Variants in TFDP2 observed in about 807,000 individuals in gnomAD.
The protein encoded by TFDP2 is transcription factor Dp-2.
TFDP2 carries 17 observed loss-of-function variants against 59.3 expected under a neutral mutation model. The observed-to-expected ratio is 0.29, with a 90% CI of 0.20 to 0.43. The LOEUF is 0.43. Ranked by LOEUF, TFDP2 falls within the 20% of genes least tolerant of loss-of-function variation. The pLI is 1.00. For missense variants in TFDP2, 391 were observed against 528.8 expected (o/e 0.74, Z 2.56); for synonymous variants, 180 against 194.7 (o/e 0.92, Z 0.63).
rs1251358441 is a variant in TFDP2, at chr3:141,946,239, G to A, written c.*6274C>T. On this transcript the variant is annotated 3_prime_UTR_variant, in exon 13 of 13. Coordinates refer to ENST00000489671, the MANE Select transcript of TFDP2 (RefSeq NM_001178139.2). ...ATCTCTAAATGAGCAGGGTGGGAGC[G>A]ATGTTATCCCCGATCCTGAGACCTG... 3 of 152,212 alleles carry A rather than the reference G, an allele frequency of 2.0e-5. No individual in the cohort carries two copies. Among genetic ancestry groups the A allele is most frequent in the Non-Finnish European group, 4.4e-5 (3 of 68,056 alleles). The allele number at this position is 152,212 out of a possible 1,614,324, so 9.4% of individuals were successfully genotyped here.
chr3:141,956,087 C>A (rs1365661354), intron 11 of TFDP2, among the ~76,000 whole-genome samples: 2 of 152,094 alleles, frequency 1.3e-5, no homozygotes, highest in African/African-American at 4.8e-5. Flanking sequence ...GGATCACAGG[C>A]GTAAGCCACC....
At chr3:142,022,248 A>G (rs1203496071) in intron 3 of TFDP2, among the ~76,000 whole-genome samples, 1 of 152,204 alleles carries the variant, frequency 6.6e-6, no homozygotes, top group African/African-American at 2.4e-5. Flanking sequence ...ACACCTAAAG[A>G]TTCAAAAATT....
chr3:142,074,216 C>G (rs769142748), intron 3 of TFDP2, among the ~76,000 whole-genome samples: 24 of 151,522 alleles, frequency 1.6e-4, no homozygotes, highest in Non-Finnish European at 2.8e-4. Flanking sequence ...CGAGACCAGA[C>G]TGGCCAACAT....
intron 3 of TFDP2, among the ~76,000 whole-genome samples, chr3:142,066,018 T>C (rs142267504): frequency 0.01 from 1,549 of 152,298 alleles, 25 homozygotes; most frequent in African/African-American, 0.036. Flanking sequence ...TAATTTCTAA[T>C]ACCAATTCTC....
chr3:142,043,777 T>C (rs1947157372), intron 3 of TFDP2: 3 of 1,594,974 alleles, frequency 1.9e-6, no homozygotes, highest in Non-Finnish European at 1.7e-6. Flanking sequence ...CTTGTCTGCC[T>C]TCAGCTTGTG....
Position 142,121,377 on chromosome 3 carries a change from A to T in TFDP2, c.-92-19536T>A, listed in dbSNP as rs2062039659. ...TAAAATACTACGACACTAGACAGAT[A>T]TTCGGGGCACTATGGAAGCACAAAG... On this transcript the variant is annotated intron_variant, in intron 1 of 12. Coordinates refer to ENST00000489671, the MANE Select transcript of TFDP2 (RefSeq NM_001178139.2). This position sits in a 1 kb window ranked among gnomAD's most constrained non-coding sequence, Gnocchi z 4.3. 6.6e-6 allele frequency among the ~76,000 whole-genome samples: 1 copy of T among 152,152 alleles called. No individual in the cohort carries two copies. The highest frequency in any genetic ancestry group is 2.4e-5 in the African/African-American group (1 of 41,450).
At chr3:142,123,426 G>T (rs902658899) in intron 1 of TFDP2, among the ~76,000 whole-genome samples, 39 of 152,014 alleles carry the variant, frequency 2.6e-4, no homozygotes, top group Non-Finnish European at 4.3e-4. Flanking sequence ...GAGCCATCGC[G>T]CCCAGCAATT....
At chr3:142,143,328 G>T (rs1345784946) in intron 1 of TFDP2, among the ~76,000 whole-genome samples, 1 of 152,144 alleles carries the variant, frequency 6.6e-6, no homozygotes. Flanking sequence ...AAAATCTCCA[G>T]GACATTGGTC....
At chr3:142,109,829 C>A (rs2061593298) in intron 1 of TFDP2, among the ~76,000 whole-genome samples, 1 of 152,036 alleles carries the variant, frequency 6.6e-6, no homozygotes, top group African/African-American at 2.4e-5. Context: ...TTCCTAGAAC[C>A]ATTGGCATTT....
At chr3:142,005,655 C>A (rs1181506773) in intron 3 of TFDP2, 111 bp from the exon 4 acceptor site, 7 of 666,416 alleles carry the variant, frequency 1.1e-5, no homozygotes, top group Non-Finnish European at 1.7e-5. Context: ...TTATAATTAT[C>A]TTAGGAAGCA....
chr3:142,053,911 G>A (rs2059653090), intron 3 of TFDP2, among the ~76,000 whole-genome samples: 1 of 152,132 alleles, frequency 6.6e-6, no homozygotes, highest in Admixed American at 6.6e-5. Context: ...TTAGTCATTA[G>A]GGAAATACAA....
intron 1 of TFDP2, among the ~76,000 whole-genome samples, chr3:142,147,023 C>A: frequency 7.1e-6 from 1 of 140,036 alleles, no homozygotes. Context: ...CCAGGAGTTC[C>A]AGACAAGCCT....
intron 3 of TFDP2, among the ~76,000 whole-genome samples, chr3:142,032,039 C>T (rs986340565): frequency 2.0e-4 from 30 of 152,096 alleles, no homozygotes; most frequent in African/African-American, 7.0e-4. Context: ...GTAAATATTT[C>T]ATATTTCCTG....
chr3:142,060,770 T>C (rs561372009), intron 3 of TFDP2, among the ~76,000 whole-genome samples: 55 of 152,222 alleles, frequency 3.6e-4, no homozygotes, highest in African/African-American at 1.2e-3. Context: ...AAAACCAAGA[T>C]GTTAAGAATA....
intron 2 of TFDP2, among the ~76,000 whole-genome samples, chr3:142,099,699 CAAA>C (rs766026708): frequency 2.4e-5 from 3 of 124,626 alleles, no homozygotes; most frequent in Non-Finnish European, 3.4e-5. Context: ...GACTCCATTT[CAAA>C]AAAAAAAAAA....
chr3:142,102,047 A>G (rs548323075), intron 1 of TFDP2, among the ~76,000 whole-genome samples: 3 of 152,288 alleles, frequency 2.0e-5, no homozygotes, highest in African/African-American at 7.2e-5. Context: ...GACCATGTCA[A>G]CTCAGTTCAC....
intron 7 of TFDP2, 28 bp downstream of exon 7, chr3:141,978,492 A>G: frequency 6.3e-7 from 1 of 1,593,996 alleles, no homozygotes; most frequent in Non-Finnish European, 8.5e-7. Context: ...ATCCATCAAA[A>G]TCAATGTCAG....
intron 3 of TFDP2, among the ~76,000 whole-genome samples, chr3:142,056,310 TAAAAA>T (rs11338630): frequency 1.5e-5 from 2 of 137,828 alleles, no homozygotes; most frequent in African/African-American, 5.4e-5. Context: ...AACAGTGAAT[TAAAAA>T]AAAAAAAAAA....
chr3:142,113,253 T>A (rs993298443), intron 1 of TFDP2, among the ~76,000 whole-genome samples: 16 of 152,128 alleles, frequency 1.1e-4, no homozygotes, highest in South Asian at 2.1e-4. Flanking sequence ...GACATTTATT[T>A]TTTATTTATT....
Sources: allele counts gnomAD v4.1 joint callset (sites outside exome capture counted in the v4.1 genomes callset), GRCh38; gene constraint gnomAD v4.1.1; non-coding constraint Gnocchi (gnomAD v3.1); transcripts MANE v1.5; gene names NCBI Gene and HGNC (gene_info 2026-07-23, HGNC 2026-07-21).